The following GRM5 variants were observed in gnomAD, a reference collection of about 807,000 sequenced individuals.
The protein encoded by GRM5 is glutamate metabotropic receptor 5.
Under a neutral mutation model 83.1 loss-of-function variants are expected in GRM5, and 19 were observed. The ratio of observed to expected loss-of-function variants is 0.23; its 90% CI spans 0.16 to 0.34. The LOEUF is 0.34. GRM5 is among the 10% of genes least tolerant of loss of function. The pLI, the probability that GRM5 is intolerant of heterozygous loss-of-function variation, is 1.00. For synonymous variants in GRM5, 675 were observed against 633.6 expected, an observed-to-expected ratio of 1.07 and a Z score of -0.98; for missense variants, 1,160 against 1,588.3, an observed-to-expected ratio of 0.73 and a Z score of 4.58.
At chr11:88,623,055 T>C (rs1332295742) in intron 4 of GRM5, among the ~76,000 whole-genome samples, 1 of 152,100 alleles carries the variant, frequency 6.6e-6, no homozygotes, top group Non-Finnish European at 1.5e-5. Context: ...TTAATTATGA[T>C]AATGATGATG....
intron 3 of GRM5, among the ~76,000 whole-genome samples, chr11:88,658,429 T>C (rs778017051): frequency 5.3e-4 from 80 of 152,120 alleles, no homozygotes; most frequent in Non-Finnish European, 1.3e-4. Context: ...AGAGGAGCAG[T>C]GTATATTTTG....
chr11:88,508,587 G>T lies in GRM5; in HGVS notation c.*5C>A. 1.2e-6 allele frequency: 2 copies of T among 1,606,054 alleles called. No homozygotes were observed. The highest frequency in any genetic ancestry group is 1.7e-6 in the Non-Finnish European group (2 of 1,175,474). On this transcript the variant is annotated 3_prime_UTR_variant, in exon 10 of 10. Transcript: ENST00000305447. The surrounding 1 kb of genome is among the most constrained non-coding windows in gnomAD (Gnocchi z 4.2). ...CGCGCAGGCCGGCGTGCTTTCCAGG[G>T]ACATTCACAACGACGAGGAGCTCTG...
At chr11:88,753,707 T>C (rs1942333139) in intron 3 of GRM5, among the ~76,000 whole-genome samples, 1 of 151,904 alleles carries the variant, frequency 6.6e-6, no homozygotes, top group Non-Finnish European at 1.5e-5. Flanking sequence ...ATAAAGAAAA[T>C]GTGTTACATA....
chr11:88,867,510 G>C (rs1023744115), intron 2 of GRM5, among the ~76,000 whole-genome samples: 2 of 151,614 alleles, frequency 1.3e-5, no homozygotes, highest in African/African-American at 4.8e-5. Context: ...TCATGTCAGA[G>C]CACTGCTGGC....
At chr11:88,636,032 A>T (rs758087766) in intron 4 of GRM5, among the ~76,000 whole-genome samples, 1 of 152,196 alleles carries the variant, frequency 6.6e-6, no homozygotes, top group Non-Finnish European at 1.5e-5. Flanking sequence ...ACTCACTAGA[A>T]CTTAGTTTGT....
chr11:88,958,390 A>G (rs1938688664), intron 2 of GRM5, among the ~76,000 whole-genome samples: 1 of 151,826 alleles, frequency 6.6e-6, no homozygotes. Context: ...CATAAAATCA[A>G]TTTTTTGAAA....
At chr11:88,753,177 T>G (rs1942319426) in intron 3 of GRM5, among the ~76,000 whole-genome samples, 2 of 152,032 alleles carry the variant, frequency 1.3e-5, no homozygotes, top group Non-Finnish European at 2.9e-5. Context: ...AACCTACAGA[T>G]TGGGGGAAAT....
chr11:88,764,934 A>T (rs1039366948), intron 3 of GRM5, among the ~76,000 whole-genome samples: 2 of 151,540 alleles, frequency 1.3e-5, no homozygotes, highest in African/African-American at 4.8e-5. Context: ...TTTTCAAAAG[A>T]TCAACAAAAT....
chr11:89,062,337 C>T (rs1472374363), intron 1 of GRM5, among the ~76,000 whole-genome samples: 1 of 152,216 alleles, frequency 6.6e-6, no homozygotes, highest in African/African-American at 2.4e-5. Flanking sequence ...AAGACTTCCA[C>T]AGAAAACCCC....
intron 2 of GRM5, among the ~76,000 whole-genome samples, chr11:88,881,890 A>G (rs993540508): frequency 4.8e-5 from 3 of 62,208 alleles, no homozygotes; most frequent in African/African-American, 2.8e-4. Context: ...GTACTTATAT[A>G]AAACTGAGGC....
chr11:89,028,590 G>T (rs1941186944), intron 2 of GRM5, among the ~76,000 whole-genome samples: 1 of 152,078 alleles, frequency 6.6e-6, no homozygotes, highest in Admixed American at 6.6e-5. Context: ...ATAAGACCTT[G>T]TCAGAAAGAC....
chr11:89,014,716 G>T (rs1049279070), intron 2 of GRM5, among the ~76,000 whole-genome samples: 1 of 152,044 alleles, frequency 6.6e-6, no homozygotes, highest in African/African-American at 2.4e-5. Context: ...AATGTTTGAT[G>T]GAATGGATAC....
At chr11:88,894,297 T>C (rs554518503) in intron 2 of GRM5, among the ~76,000 whole-genome samples, 3 of 152,126 alleles carry the variant, frequency 2.0e-5, no homozygotes, top group South Asian at 2.1e-4. Flanking sequence ...TTTGGTGCAT[T>C]TGCTGTCAGC....
chr11:88,950,945 C>A (rs1350936367), intron 2 of GRM5, among the ~76,000 whole-genome samples: 1 of 152,160 alleles, frequency 6.6e-6, no homozygotes, highest in Non-Finnish European at 1.5e-5. Flanking sequence ...TGCAGTTATA[C>A]TCCAGTTTTA....
intron 3 of GRM5, among the ~76,000 whole-genome samples, chr11:88,729,184 A>G (rs879506502): frequency 1.1e-4 from 17 of 152,310 alleles, no homozygotes; most frequent in Admixed American, 9.8e-4. Flanking sequence ...AAATCTCAGG[A>G]TACAAAATCA....
intron 3 of GRM5, among the ~76,000 whole-genome samples, chr11:88,790,599 C>T (rs1041883374): frequency 2.0e-5 from 3 of 151,746 alleles, no homozygotes; most frequent in African/African-American, 4.8e-5. Context: ...ATATGAGGCT[C>T]GATGTATGTG....
chr11:88,922,957 A>AAATG (rs1165638143), intron 2 of GRM5, among the ~76,000 whole-genome samples: 1 of 152,204 alleles, frequency 6.6e-6, no homozygotes, highest in Non-Finnish European at 1.5e-5. Context: ...TACAAATGGC[A>AAATG]AATGAGTAAA....
rs58715573 is a variant in GRM5 at position 89,041,475 on chromosome 11, A to C, written c.661+5737T>G. The stretch of plus-strand genomic sequence containing the variant: ...ATAGGTGAGCCAGAGTCTAAGCCAG[A>C]AATTGTATCATTAGAAATGAATCTG... On this transcript the variant is annotated intron_variant, in intron 2 of 9. Coordinates refer to ENST00000305447, the MANE Select transcript of GRM5 (RefSeq NM_001143831.3). 6.4e-3 allele frequency among the ~76,000 whole-genome samples: 977 copies of C among 152,354 alleles called. 8 individuals carry two copies. The highest frequency in any genetic ancestry group is 0.023 in the African/African-American group (947 of 41,598).
chr11:88,675,853 A>G (rs544684961), intron 3 of GRM5, among the ~76,000 whole-genome samples: 2 of 152,190 alleles, frequency 1.3e-5, no homozygotes, highest in African/African-American at 4.8e-5. Context: ...TGGGAGTCCA[A>G]TGTGGCCATG....
Sources: allele counts gnomAD v4.1 joint callset (sites outside exome capture counted in the v4.1 genomes callset), GRCh38; gene constraint gnomAD v4.1.1; non-coding constraint Gnocchi (gnomAD v3.1); transcripts MANE v1.5; gene names NCBI Gene and HGNC (gene_info 2026-07-23, HGNC 2026-07-21).